LHFPL6: variants seen among roughly 807,000 people sequenced by gnomAD.
LHFPL6 encodes the protein LHFPL tetraspan subfamily member 6 protein.
In LHFPL6, 9 loss-of-function variants were observed where a neutral mutation model predicts 20.6. That is an observed-to-expected ratio of 0.44 (90% CI 0.26 to 0.76). The LOEUF is 0.76. Among genes scored for constraint, LHFPL6 ranks in the 30% least tolerant of loss-of-function variants. The pLI, the probability that LHFPL6 is intolerant of heterozygous loss-of-function variation, is 0.20. For missense variants in LHFPL6, 218 were observed against 253.5 expected, an observed-to-expected ratio of 0.86 and a Z score of 0.95; for synonymous variants, 105 against 98.7, an observed-to-expected ratio of 1.06 and a Z score of -0.38.
intron 3 of LHFPL6, among the ~76,000 whole-genome samples, chr13:39,374,461 T>C (rs1247392847): frequency 6.6e-6 from 1 of 151,926 alleles, no homozygotes. Flanking sequence ...AGATCAATCA[T>C]ACCCCAAATC....
chr13:39,451,576 T>C (rs1190888304), intron 2 of LHFPL6, among the ~76,000 whole-genome samples: 1 of 152,244 alleles, frequency 6.6e-6, no homozygotes, highest in African/African-American at 2.4e-5. Context: ...TGAACTCAAA[T>C]GTATGCTCTT....
chr13:39,411,912 G>A (rs1378795202), intron 2 of LHFPL6, among the ~76,000 whole-genome samples: 1 of 152,340 alleles, frequency 6.6e-6, no homozygotes, highest in East Asian at 1.9e-4. Context: ...AGTAAGTGAT[G>A]TGTGCTGTTT....
At chr13:39,593,901 C>T (rs1050667873) in intron 2 of LHFPL6, among the ~76,000 whole-genome samples, 17 of 152,210 alleles carry the variant, frequency 1.1e-4, no homozygotes, top group Admixed American at 7.2e-4. Flanking sequence ...GCTAGGAAGA[C>T]TGGCTAGCCA....
Position 39,563,881 on chromosome 13 carries a change from G to A in LHFPL6, c.385+36951C>T, listed in dbSNP as rs139406764. Among the ~76,000 whole-genome samples, 212 of 152,080 alleles carry A rather than the reference G, an allele frequency of 1.4e-3. 2 individuals are homozygous for A. The highest frequency in any genetic ancestry group is 4.8e-3 in the African/African-American group (200 of 41,496). ...ACGTTCCTTTTCTTCTCAGAGCCTC[G>A]GCTTTTTCCCCTGAAAATGAGGCTA... On this transcript the variant is annotated intron_variant, in intron 2 of 3. Transcript: ENST00000379589.
chr13:39,464,712 T>C (rs1158764390), intron 2 of LHFPL6, among the ~76,000 whole-genome samples: 4 of 151,892 alleles, frequency 2.6e-5, no homozygotes, highest in African/African-American at 9.7e-5. Context: ...TTTTTTTTTT[T>C]TTTTGTCTGA....
intron 3 of LHFPL6, among the ~76,000 whole-genome samples, chr13:39,349,920 G>A (rs896792465): frequency 6.6e-6 from 1 of 152,216 alleles, no homozygotes; most frequent in African/African-American, 2.4e-5. Context: ...TGGGTGTAAA[G>A]CAAGGGATGG....
intron 2 of LHFPL6, among the ~76,000 whole-genome samples, chr13:39,424,123 T>C (rs1871575742): frequency 1.3e-5 from 2 of 152,196 alleles, no homozygotes; most frequent in Non-Finnish European, 1.5e-5. Context: ...ACATACAAAA[T>C]AGTTATAGAA....
chr13:39,500,087 G>GACC (rs1869241424), intron 2 of LHFPL6, among the ~76,000 whole-genome samples: 1 of 151,720 alleles, frequency 6.6e-6, no homozygotes, highest in Non-Finnish European at 1.5e-5. Flanking sequence ...TCTCTGTCTT[G>GACC]ACCCCCAAGG....
intron 2 of LHFPL6, among the ~76,000 whole-genome samples, chr13:39,585,873 C>T (rs17060332): frequency 0.013 from 1,977 of 152,120 alleles, 79 homozygotes; most frequent in East Asian, 0.11. Flanking sequence ...ATGAGACATC[C>T]TTCTTGGGCA....
chr13:39,573,494 T>C (rs945775047), intron 2 of LHFPL6, among the ~76,000 whole-genome samples: 7 of 152,198 alleles, frequency 4.6e-5, no homozygotes, highest in Admixed American at 1.3e-4. Flanking sequence ...GATTAAAATT[T>C]ATGAATGCAT....
At chr13:39,531,148 A>T (rs1870453451) in intron 2 of LHFPL6, among the ~76,000 whole-genome samples, 1 of 152,246 alleles carries the variant, frequency 6.6e-6, no homozygotes, top group South Asian at 2.1e-4. Flanking sequence ...TTTTCCAATG[A>T]TTCGTTCCTA....
At chr13:39,392,786 T>A (rs1186309148) in intron 2 of LHFPL6, among the ~76,000 whole-genome samples, 1 of 151,888 alleles carries the variant, frequency 6.6e-6, no homozygotes, top group Non-Finnish European at 1.5e-5. Flanking sequence ...CATTTTAAGG[T>A]ATTTTTTATG....
intron 2 of LHFPL6, among the ~76,000 whole-genome samples, chr13:39,489,756 T>C (rs1483842320): frequency 6.6e-6 from 1 of 152,116 alleles, no homozygotes; most frequent in African/African-American, 2.4e-5. Context: ...TGTTTCACTA[T>C]GTTGCCCAGC....
chr13:39,398,095 C>G (rs1870889458), intron 2 of LHFPL6, among the ~76,000 whole-genome samples: 2 of 152,184 alleles, frequency 1.3e-5, no homozygotes, highest in Non-Finnish European at 2.9e-5. Context: ...GTGGGCCCTC[C>G]TCCGAGGACT....
intron 2 of LHFPL6, among the ~76,000 whole-genome samples, chr13:39,562,975 A>G (rs1871590050): frequency 6.6e-6 from 1 of 152,078 alleles, no homozygotes; most frequent in African/African-American, 2.4e-5. Flanking sequence ...AAAGAAAAAA[A>G]ATATTTTATG....
At chr13:39,479,910 C>T (rs906821117) in intron 2 of LHFPL6, among the ~76,000 whole-genome samples, 3 of 152,128 alleles carry the variant, frequency 2.0e-5, no homozygotes, top group Non-Finnish European at 2.9e-5. Flanking sequence ...GGTGTACCCC[C>T]GAACAGCCAA....
At position 39,479,034 on chromosome 13, in the gene LHFPL6, T is replaced by G. The variant is rs59174600; in HGVS notation, c.386-100508A>C. Among the ~76,000 whole-genome samples the G allele has an allele frequency of 4.4e-3, 633 of 144,060 alleles. 6 individuals carry two copies. Among genetic ancestry groups the G allele is most frequent in the African/African-American group, 0.016 (606 of 38,648 alleles). 94.5% of individuals were successfully genotyped at this position (144,060 alleles called of 152,430 possible). A position where few individuals can be genotyped will look rare whatever the true frequency, so the allele number is the denominator to read the frequency against. ...TAATGAAGCACCAATGGGAGATAGA[T>G]ATAGATAGATAGATAGATAGATAGA... is the stretch of plus-strand genomic sequence containing the variant. On this transcript the variant is annotated intron_variant, in intron 2 of 3. Coordinates refer to ENST00000379589, the MANE Select transcript of LHFPL6 (RefSeq NM_005780.3).
intron 2 of LHFPL6, among the ~76,000 whole-genome samples, chr13:39,392,646 T>C (rs1190074003): frequency 2.0e-5 from 3 of 151,998 alleles, no homozygotes; most frequent in Admixed American, 2.0e-4. Flanking sequence ...CATTTCACAT[T>C]ATAGAACTAG....
chr13:39,587,915 C>A (rs879880655), intron 2 of LHFPL6, among the ~76,000 whole-genome samples: 10 of 151,920 alleles, frequency 6.6e-5, no homozygotes, highest in African/African-American at 2.4e-4. Flanking sequence ...ACCATGCCCA[C>A]GAAACTGCAC....
Sources: gnomAD v4.1 joint callset for allele counts (sites outside exome capture counted in the v4.1 genomes callset) on GRCh38, gnomAD v4.1.1 for gene constraint, MANE v1.5 for transcripts, NCBI Gene and HGNC (gene_info 2026-07-23, HGNC 2026-07-21) for gene names.